The following OXSR1 variants were observed in gnomAD, a reference collection of about 807,000 sequenced individuals.
The protein encoded by OXSR1 is serine/threonine-protein kinase OSR1.
Under a neutral mutation model 79.8 loss-of-function variants are expected in OXSR1, and 24 were observed. That is an observed-to-expected ratio of 0.30 (90% CI 0.22 to 0.42). OXSR1 has a LOEUF of 0.42. OXSR1 is among the 10% of genes least tolerant of loss of function. The probability of loss-of-function intolerance (pLI) is 1.00; values close to 1 mark genes in which losing one functional copy is unlikely to be tolerated. For synonymous variants in OXSR1, 226 were observed against 209.2 expected (o/e 1.08, Z -0.69); for missense variants, 430 against 618.4 (o/e 0.70, Z 3.23).
At chr3:38,228,833 A>T (rs1284994399) in intron 8 of OXSR1, among the ~76,000 whole-genome samples, 1 of 152,076 alleles carries the variant, frequency 6.6e-6, no homozygotes, top group Non-Finnish European at 1.5e-5. Flanking sequence ...TGGCCTCCCA[A>T]AGTTCTGGGA....
chr3:38,246,577 T>C (rs1264007574), intron 13 of OXSR1, among the ~76,000 whole-genome samples: 1 of 152,214 alleles, frequency 6.6e-6, no homozygotes. Context: ...GTTGTTGTTG[T>C]TCACTCAGGC....
Position 38,165,881 on chromosome 3 carries a change from C to T in OXSR1, c.5C>T (p.Ser2Phe), listed in dbSNP as rs1217690582. Residue 2 changes from serine to phenylalanine, a missense_variant, in exon 1 of 18, where the codon TCC becomes TTC. Ser to Phe is a radical substitution (Grantham distance 155). Around this residue, in one of 3 missense-constraint regions of OXSR1, gnomAD observed 145 missense variants for 228.3 expected, o/e 0.64. Coordinates refer to ENST00000311806, the MANE Select transcript of OXSR1 (RefSeq NM_005109.3). ...CCGCGAGCCGCTGCCGCCGTCATGT[C>T]CGAGGACTCGAGCGCCCTGCCCTGG... is the stretch of plus-strand genomic sequence containing the variant. M[S>F]EDSSALPWSI... 6.2e-7 allele frequency: 1 copy of T among 1,610,872 alleles called. No homozygotes were observed.
At chr3:38,175,969 A>G (rs1211527264) in intron 1 of OXSR1, among the ~76,000 whole-genome samples, 2 of 152,188 alleles carry the variant, frequency 1.3e-5, no homozygotes, top group South Asian at 2.1e-4. Context: ...GATTAGGCCA[A>G]TGCTTAGTCG....
chr3:38,169,150 A>G (rs562702101), intron 1 of OXSR1, among the ~76,000 whole-genome samples: 33 of 152,346 alleles, frequency 2.2e-4, no homozygotes, highest in African/African-American at 7.9e-4. Flanking sequence ...ATGAAGTGGT[A>G]TCTCATTGTG....
chr3:38,182,794 A>AT (rs1353585944), intron 1 of OXSR1, among the ~76,000 whole-genome samples: 4 of 151,794 alleles, frequency 2.6e-5, no homozygotes, highest in East Asian at 3.9e-4. Context: ...CAGTTTAGAT[A>AT]TTTTTTTTGC....
intron 11 of OXSR1, among the ~76,000 whole-genome samples, chr3:38,241,908 G>T (rs866942147): frequency 4.8e-5 from 7 of 146,452 alleles, no homozygotes; most frequent in Middle Eastern, 3.5e-3. Flanking sequence ...TGATAAAAGT[G>T]TTAAAAAAAA....
At chr3:38,232,871 T>A (rs1048391499) in intron 10 of OXSR1, among the ~76,000 whole-genome samples, 4 of 152,230 alleles carry the variant, frequency 2.6e-5, no homozygotes, top group African/African-American at 9.6e-5. Context: ...GCCCATAAAT[T>A]AGTGGTAAAG....
intron 1 of OXSR1, among the ~76,000 whole-genome samples, chr3:38,182,180 A>T (rs769115451): frequency 3.9e-5 from 6 of 152,080 alleles, no homozygotes; most frequent in Non-Finnish European, 5.9e-5. Flanking sequence ...TTCTTCTGGC[A>T]CCTCTAGAAC....
chr3:38,204,309 C>T (rs1702226721), intron 4 of OXSR1, among the ~76,000 whole-genome samples: 1 of 152,154 alleles, frequency 6.6e-6, no homozygotes, highest in African/African-American at 2.4e-5. Context: ...GGACCCCAAG[C>T]GCCTGCTTGG....
At chr3:38,237,998 C>G (rs1266150489) in intron 11 of OXSR1, among the ~76,000 whole-genome samples, 1 of 152,076 alleles carries the variant, frequency 6.6e-6, no homozygotes, top group African/African-American at 2.4e-5. Flanking sequence ...TGCTATTTTT[C>G]TTCTGACTAA....
At position 38,254,232 on chromosome 3, in the gene OXSR1, C is replaced by T. The variant is rs1311241656; in HGVS notation, c.*1341C>T. ...GAGAGTTGCCCTTTACAGAATCACT[C>T]GAGCCCTTTCCAGCACTGTTGGTCT... On this transcript the variant is annotated 3_prime_UTR_variant, in exon 18 of 18. Coordinates refer to ENST00000311806, the MANE Select transcript of OXSR1 (RefSeq NM_005109.3). 7.5e-6 allele frequency: 3 copies of T among 398,746 alleles called. No individual in the cohort carries two copies. The highest frequency in any genetic ancestry group is 6.2e-4 in the Middle Eastern group (1 of 1,610). 24.7% of individuals were successfully genotyped at this position (398,746 alleles called of 1,614,324 possible).
chr3:38,209,295 T>G (rs1265985209), intron 4 of OXSR1, among the ~76,000 whole-genome samples: 1 of 152,154 alleles, frequency 6.6e-6, no homozygotes, highest in Non-Finnish European at 1.5e-5. Context: ...CACGGCTCAC[T>G]GCAGCCTTGA....
At chr3:38,197,393 C>T (rs35175454) in intron 3 of OXSR1, among the ~76,000 whole-genome samples, 2,758 of 152,220 alleles carry the variant, frequency 0.018, 95 homozygotes, top group African/African-American at 0.063. Flanking sequence ...GTTTTCAACC[C>T]TTTCCTTCAC....
chr3:38,181,354 GTTT>G (rs1201344941), intron 1 of OXSR1, among the ~76,000 whole-genome samples: 1 of 128,154 alleles, frequency 7.8e-6, no homozygotes. Flanking sequence ...TGTTTCAAAA[GTTT>G]TTTTTTTTTT....
At chr3:38,246,243 C>T in intron 13 of OXSR1, 22 bp downstream of exon 13, 4 of 1,612,622 alleles carry the variant, frequency 2.5e-6, no homozygotes, top group Non-Finnish European at 3.4e-6. Context: ...GATATGGTTT[C>T]ATGGTCACTC....
At chr3:38,233,702 T>G (rs558434139) in intron 10 of OXSR1, among the ~76,000 whole-genome samples, 30 of 151,932 alleles carry the variant, frequency 2.0e-4, no homozygotes, top group Non-Finnish European at 3.5e-4. Context: ...TTGCTTGAGC[T>G]CAGGAGTTCT....
chr3:38,209,875 G>A (rs1408396790), intron 4 of OXSR1, among the ~76,000 whole-genome samples: 1 of 152,170 alleles, frequency 6.6e-6, no homozygotes, highest in Non-Finnish European at 1.5e-5. Flanking sequence ...ACCCGCCTCA[G>A]CCTCCCAAAG....
chr3:38,231,122 C>T (rs968796393), intron 10 of OXSR1, among the ~76,000 whole-genome samples: 2 of 152,276 alleles, frequency 1.3e-5, no homozygotes, highest in East Asian at 1.9e-4. Context: ...TTATGTCTAG[C>T]AGTGGCTTAT....
intron 10 of OXSR1, among the ~76,000 whole-genome samples, chr3:38,234,135 G>A (rs990550416): frequency 1.7e-4 from 26 of 152,156 alleles, no homozygotes; most frequent in African/African-American, 6.0e-4. Context: ...AAGAGCTAAA[G>A]TTATAATACT....
Sources: allele counts gnomAD v4.1 joint callset (sites outside exome capture counted in the v4.1 genomes callset), GRCh38; gene constraint gnomAD v4.1.1; regional missense constraint gnomAD v4.1.1; transcripts MANE v1.5; gene names NCBI Gene and HGNC (gene_info 2026-07-23, HGNC 2026-07-21).